TEK: variants seen among roughly 807,000 people sequenced by gnomAD.
TEK encodes the protein TEK receptor tyrosine kinase.
A neutral mutation model predicts 131.8 loss-of-function variants in TEK; 43 were observed. The ratio of observed to expected loss-of-function variants is 0.33; its 90% CI spans 0.26 to 0.42. TEK has a LOEUF of 0.42. Among genes scored for constraint, TEK ranks in the 10% least tolerant of loss-of-function variants. The probability of loss-of-function intolerance (pLI) is 1.00; values close to 1 mark genes in which losing one functional copy is unlikely to be tolerated. For synonymous variants in TEK, 580 were observed against 491.6 expected (o/e 1.18, Z -2.38); for missense variants, 1,162 against 1,384.4 (o/e 0.84, Z 2.55).
At chr9:27,213,272 T>C (rs1825699469) in intron 17 of TEK, among the ~76,000 whole-genome samples, 1 of 152,204 alleles carries the variant, frequency 6.6e-6, no homozygotes, top group Non-Finnish European at 1.5e-5. Context: ...GTGTTTTTTA[T>C]TTGTTCGTTT....
At chr9:27,142,901 C>G (rs1822781726) in intron 1 of TEK, among the ~76,000 whole-genome samples, 1 of 152,168 alleles carries the variant, frequency 6.6e-6, no homozygotes, top group South Asian at 2.1e-4. Flanking sequence ...GTTAAAGTAA[C>G]TAGACTGTGG....
intron 2 of TEK, among the ~76,000 whole-genome samples, chr9:27,163,461 G>A (rs1349852385): frequency 6.6e-6 from 1 of 152,206 alleles, no homozygotes; most frequent in African/African-American, 2.4e-5. Flanking sequence ...ACTGATGAAT[G>A]AGCAGGAGCT....
At chr9:27,160,006 T>C (rs995006059) in intron 2 of TEK, among the ~76,000 whole-genome samples, 2 of 141,310 alleles carry the variant, frequency 1.4e-5, no homozygotes, top group African/African-American at 5.3e-5. Flanking sequence ...GTCAGCTGTT[T>C]AGGGTTTTTT....
intron 2 of TEK, among the ~76,000 whole-genome samples, chr9:27,160,728 A>G (rs999841430): frequency 1.3e-5 from 2 of 152,202 alleles, no homozygotes; most frequent in Non-Finnish European, 2.9e-5. Flanking sequence ...CAAATGAAGG[A>G]AAGGGTTTTC....
chr9:27,123,276 A>C (rs1821868441), intron 1 of TEK, among the ~76,000 whole-genome samples: 1 of 151,822 alleles, frequency 6.6e-6, no homozygotes. Flanking sequence ...GCTTTCTGTA[A>C]GCTTAATTAT....
At chr9:27,191,044 A>G (rs1415511706) in intron 10 of TEK, among the ~76,000 whole-genome samples, 2 of 152,208 alleles carry the variant, frequency 1.3e-5, no homozygotes, top group African/African-American at 4.8e-5. Flanking sequence ...AGGAAAGTCC[A>G]GAGCCTGCTG....
chr9:27,175,322 AT>A (rs1368608443), intron 6 of TEK, among the ~76,000 whole-genome samples: 1 of 150,088 alleles, frequency 6.7e-6, no homozygotes, highest in Non-Finnish European at 1.5e-5. Flanking sequence ...TGAACTCATC[AT>A]TTTTTATGGC....
chr9:27,223,430 G>C (rs569664397), intron 21 of TEK, among the ~76,000 whole-genome samples: 5 of 152,244 alleles, frequency 3.3e-5, no homozygotes, highest in Admixed American at 6.5e-5. Context: ...TTAGACCACA[G>C]TGCAATCAAA....
chr9:27,180,425 T>G (rs755358740), intron 7 of TEK, 57 bp downstream of exon 7: 3 of 1,583,098 alleles, frequency 1.9e-6, no homozygotes, highest in South Asian at 1.1e-5. Flanking sequence ...AACTGAGCTT[T>G]GGTAGTGTAA....
chr9:27,136,521 A>C (rs1822444117), intron 1 of TEK, among the ~76,000 whole-genome samples: 1 of 152,222 alleles, frequency 6.6e-6, no homozygotes, highest in Non-Finnish European at 1.5e-5. Context: ...ACTAAAACTA[A>C]GAACGGGAGC....
intron 18 of TEK, among the ~76,000 whole-genome samples, chr9:27,214,584 A>C (rs1825750912): frequency 6.6e-6 from 1 of 152,232 alleles, no homozygotes; most frequent in African/African-American, 2.4e-5. Flanking sequence ...GAGAAGATAA[A>C]GTAAAACAAT....
rs551273401 is a variant in TEK, at chr9:27,140,880, A to G, written c.53-16951A>G. Among the ~76,000 whole-genome samples the G allele has an allele frequency of 4.7e-4, 72 of 152,252 alleles. No individual in the cohort carries two copies. In the South Asian group the frequency reaches 0.013, roughly 28 times the overall value. On this transcript the variant is annotated intron_variant, in intron 1 of 22. Coordinates refer to ENST00000380036, the MANE Select transcript of TEK (RefSeq NM_000459.5). ...TTCTAGCAACATAATATGAGAGACT[A>G]TGTTCTACTTTATGCCTTCAATCTT...
At position 27,194,062 on chromosome 9, in the gene TEK, C is replaced by G. The variant is rs373652989; in HGVS notation, c.1624+1439C>G. On this transcript the variant is annotated intron_variant, in intron 11 of 22. Coordinates refer to ENST00000380036, the MANE Select transcript of TEK (RefSeq NM_000459.5). ...CCTCAAGCAGTCCCCCAGCCTTGGC[C>G]TCTCAAAGTGTTAGGATTACAGGGA... 6.4e-4 allele frequency among the ~76,000 whole-genome samples: 97 copies of G among 152,264 alleles called. 1 individual carries two copies. In the South Asian group the frequency reaches 9.5e-3, roughly 15 times the overall value.
rs2131207395 is a variant in TEK, at chr9:27,202,909, A to G, written c.1999A>G (p.Ile667Val). 1.2e-6 allele frequency: 2 copies of G among 1,614,128 alleles called. No homozygotes were observed. The highest frequency in any genetic ancestry group is 1.7e-6 in the Non-Finnish European group (2 of 1,179,992). Residue 667 changes from isoleucine (I) to valine (V), a missense_variant, in exon 13 of 23, where the codon ATT becomes GTT. Ile to Val is a conservative substitution (Grantham distance 29). Coordinates refer to ENST00000380036, the MANE Select transcript of TEK (RefSeq NM_000459.5). ...TTGGACAATATTGGATGGCTATTCT[A>G]TTTCTTCTATTACTATCCGTTACAA... is the stretch of plus-strand genomic sequence containing the variant. ...ISWTILDGYS[I>V]SSITIRYKVQ... is the part of the protein sequence containing the mutation.
At chr9:27,228,136 C>G in intron 21 of TEK, 70 bp from the exon 22 acceptor site, 1 of 1,343,862 alleles carries the variant, frequency 7.4e-7, no homozygotes, top group Non-Finnish European at 1.1e-6. Context: ...ATTCTCTCCT[C>G]TCTTTTCCTG....
At position 27,217,729 on chromosome 9, in the gene TEK, T is replaced by C; in HGVS notation, c.3033T>C (p.Asn1011=). The C allele has an allele frequency of 1.2e-6, 2 of 1,613,942 alleles. No individual in the cohort carries two copies. Among genetic ancestry groups the C allele is most frequent in the South Asian group, 1.1e-5 (1 of 91,074 alleles). ...PVRWMAIESL[N]YSVYTTNSDV... ...GCTGGATGGCCATCGAGTCACTGAATTACAGTGTGTACACAACCAACAGTG... is the reference window on the plus strand; with the variant it reads ...GCTGGATGGCCATCGAGTCACTGAACTACAGTGTGTACACAACCAACAGTG... Residue 1011 remains asparagine (N), a synonymous_variant, in exon 19 of 23, where the codon AAT becomes AAC. Coordinates refer to ENST00000380036, the MANE Select transcript of TEK (RefSeq NM_000459.5).
At chr9:27,144,602 AT>A (rs576655977) in intron 1 of TEK, among the ~76,000 whole-genome samples, 2 of 150,642 alleles carry the variant, frequency 1.3e-5, no homozygotes, top group East Asian at 1.9e-4. Flanking sequence ...AGCACACAGG[AT>A]TTTTTTTTTA....
At position 27,212,853 on chromosome 9, in the gene TEK, G is replaced by A. The variant is rs760084463; in HGVS notation, c.2833G>A (p.Ala945Thr). ...GTCCTCCCAGCAGCTCCTTCACTTC[G>A]CTGCCGACGTGGCCCGGGGCATGGA... Reference protein sequence around the residue: ...TLSSQQLLHFAADVARGMDYL... With the variant: ...TLSSQQLLHFTADVARGMDYL... Residue 945 changes from alanine (A) to threonine (T), a missense_variant, in exon 17 of 23, where the codon GCT becomes ACT. By Grantham distance (58) the Ala-to-Thr change is moderately conservative (BLOSUM62 0). Around this residue, in one of 6 missense-constraint regions of TEK, gnomAD observed 107 missense variants for 173.9 expected, o/e 0.62. Transcript: ENST00000380036. 22 of 1,613,952 alleles carry A rather than the reference G, an allele frequency of 1.4e-5. No individual in the cohort carries two copies. Among genetic ancestry groups the A allele is most frequent in the African/African-American group, 1.3e-5 (1 of 74,900 alleles).
At chr9:27,209,976 C>A (rs945163860) in intron 16 of TEK, among the ~76,000 whole-genome samples, 2 of 152,108 alleles carry the variant, frequency 1.3e-5, no homozygotes, top group African/African-American at 4.8e-5. Context: ...AAGTTTGCTC[C>A]CACAAAAAGC....
Sources: gnomAD v4.1 joint callset for allele counts (sites outside exome capture counted in the v4.1 genomes callset) on GRCh38, gnomAD v4.1.1 for gene constraint, gnomAD v4.1.1 regional missense constraint, MANE v1.5 for transcripts, NCBI Gene and HGNC (gene_info 2026-07-23, HGNC 2026-07-21) for gene names.